PCNX2: variants seen among roughly 807,000 people sequenced by gnomAD.
PCNX2 encodes the protein pecanex 2, also known as pecanex-like protein 2.
In PCNX2, 168 loss-of-function variants were observed where a neutral mutation model predicts 223.8. The observed-to-expected ratio is 0.75, with a 90% CI of 0.66 to 0.85. The LOEUF (loss-of-function observed/expected upper bound fraction) is 0.85, where lower values mean the gene tolerates loss of function less well. Among genes scored for constraint, PCNX2 ranks in the 40% least tolerant of loss-of-function variants. The pLI is 0.00. For missense variants in PCNX2, 2,507 were observed against 2,675.5 expected (o/e 0.94, Z 1.39); for synonymous variants, 1,006 against 1,052.6 (o/e 0.96, Z 0.86).
intron 4 of PCNX2, among the ~76,000 whole-genome samples, chr1:233,260,105 A>G (rs2102997098): frequency 6.6e-6 from 1 of 152,276 alleles, no homozygotes; most frequent in South Asian, 2.1e-4. Context: ...AACACCACCA[A>G]CTAGGATGGT....
chr1:233,279,389 TTGTGTGTGTGTGTGTGTG>T (rs57288356), intron 1 of PCNX2, among the ~76,000 whole-genome samples: 3 of 142,592 alleles, frequency 2.1e-5, no homozygotes, highest in African/African-American at 7.7e-5. Flanking sequence ...TAATTTGTGT[TTGTGTGTGTGTGTGTGTG>T]TGTGTGTGTG....
At chr1:233,249,543 G>C (rs1659323994) in intron 8 of PCNX2, among the ~76,000 whole-genome samples, 1 of 152,208 alleles carries the variant, frequency 6.6e-6, no homozygotes, top group Non-Finnish European at 1.5e-5. Flanking sequence ...TGGGGACTTT[G>C]CATGCCTGTT....
At chr1:233,081,619 G>A (rs896810216) in intron 23 of PCNX2, among the ~76,000 whole-genome samples, 3 of 152,230 alleles carry the variant, frequency 2.0e-5, no homozygotes, top group Non-Finnish European at 4.4e-5. Flanking sequence ...CACTCACCAC[G>A]CTTTCTTGCA....
Position 233,025,183 on chromosome 1 carries a change from A to G in PCNX2, c.4568T>C (p.Phe1523Ser), listed in dbSNP as rs770764026. Residue 1523 changes from phenylalanine to serine, a missense_variant, in exon 26 of 34, where the codon TTT (phenylalanine) becomes TCT (serine). Phe to Ser is a radical substitution (Grantham distance 155). This residue lies in a region of PCNX2 where 1,372 missense variants were observed against 1,509.4 expected (regional missense o/e 0.91). Coordinates refer to ENST00000258229, the MANE Select transcript of PCNX2 (RefSeq NM_014801.4). Reference sequence around the variant, plus strand: ...GCGGATGAGGATCCTTCGGAGGTCAAACACCTGCAGCATGGTGGCCGCGTT... The same window carrying G: ...GCGGATGAGGATCCTTCGGAGGTCAGACACCTGCAGCATGGTGGCCGCGTT... ...DNNAATMLQV[F>S]DLRRILIRYY... 5.6e-6 allele frequency: 9 copies of G among 1,614,032 alleles called. No homozygotes were observed. The Admixed American group carries it at 1.3e-4, about 24-fold the overall frequency.
chr1:232,985,998 AGAAG>A (rs1428435627), intron 33 of PCNX2, 90 bp downstream of exon 33: 1 of 1,358,344 alleles, frequency 7.4e-7, no homozygotes, highest in Admixed American at 2.0e-5. Context: ...TTCTGCAGGC[AGAAG>A]GGTGGGAACG....
In PCNX2 at chr1:233,295,492, CG is replaced by C; in HGVS notation, c.-15del. Reference sequence around the variant, plus strand: ...CTGGGACACCATGCCGGCTGCGCCCCGGGGCTGGTGAGCGCCCCGCTGCACC... The same window carrying C: ...CTGGGACACCATGCCGGCTGCGCCCCGGGCTGGTGAGCGCCCCGCTGCACC... On this transcript the variant is annotated 5_prime_UTR_variant, in exon 1 of 34. Coordinates refer to ENST00000258229, the MANE Select transcript of PCNX2 (RefSeq NM_014801.4). The surrounding 1 kb of genome is among the most constrained non-coding windows in gnomAD (Gnocchi z 4.1). 1 of 1,544,436 alleles carries C rather than the reference CG, an allele frequency of 6.5e-7. No homozygotes were observed.
intron 21 of PCNX2, among the ~76,000 whole-genome samples, chr1:233,120,040 G>A (rs1469350163): frequency 1.3e-5 from 2 of 151,058 alleles, no homozygotes; most frequent in African/African-American, 2.4e-5. Flanking sequence ...GGTTGCACGC[G>A]CCTGTAGTCC....
Position 233,291,416 on chromosome 1 carries a change from C to A in PCNX2, c.153+3910G>T, listed in dbSNP as rs1434416593. Among the ~76,000 whole-genome samples, 5 of 152,070 alleles carry A rather than the reference C, an allele frequency of 3.3e-5. No individual in the cohort carries two copies. In the East Asian group the frequency reaches 9.7e-4, roughly 29 times the overall value. On this transcript the variant is annotated intron_variant, in intron 1 of 33. Coordinates refer to ENST00000258229, the MANE Select transcript of PCNX2 (RefSeq NM_014801.4). ...CCTGATGTCGGGAGTTCAAGACCAG[C>A]TTGACCAACATGGAGAAACCCCACC...
chr1:233,252,847 G>A, intron 5 of PCNX2, 59 bp from the exon 6 acceptor site: 2 of 1,435,588 alleles, frequency 1.4e-6, no homozygotes, highest in Non-Finnish European at 1.8e-6. Flanking sequence ...TGAAAACTCT[G>A]GGAAATAAGT....
rs575806165 is a variant in PCNX2, at chr1:233,135,847, T to C, written c.3660-657A>G. ...TTGTTGTTTAAAATTATATCATCAA[T>C]GTGTTTTTCCCCCATAGAATGGGCC... On this transcript the variant is annotated intron_variant, in intron 20 of 33. Transcript: ENST00000258229. Among the ~76,000 whole-genome samples, 8 of 152,344 alleles carry C rather than the reference T, an allele frequency of 5.3e-5. No individual in the cohort carries two copies. In the East Asian group the frequency reaches 1.5e-3, roughly 29 times the overall value.
At chr1:233,211,796 A>G in intron 12 of PCNX2, 1 of 985,384 alleles carries the variant, frequency 1.0e-6, no homozygotes, top group Non-Finnish European at 1.2e-6. Context: ...CTCTTTAAAC[A>G]CAGAATGTGA....
intron 26 of PCNX2, among the ~76,000 whole-genome samples, chr1:233,022,217 T>C (rs1572020482): frequency 6.6e-6 from 1 of 152,332 alleles, no homozygotes; most frequent in Admixed American, 6.5e-5. Context: ...GGATCTCTTC[T>C]GTCCAGACTG....
chr1:233,125,263 C>T (rs1414625087), intron 21 of PCNX2, among the ~76,000 whole-genome samples: 1 of 152,184 alleles, frequency 6.6e-6, no homozygotes, highest in Non-Finnish European at 1.5e-5. Context: ...TTCTATTATA[C>T]CGTACTTAAT....
intron 8 of PCNX2, among the ~76,000 whole-genome samples, chr1:233,239,518 G>T (rs558347017): frequency 6.6e-6 from 1 of 151,894 alleles, no homozygotes; most frequent in Non-Finnish European, 1.5e-5. Context: ...GATCTTTTGG[G>T]TCAGTTCTAG....
chr1:232,994,960 T>A (rs1405950727), intron 32 of PCNX2, among the ~76,000 whole-genome samples: 1 of 152,216 alleles, frequency 6.6e-6, no homozygotes, highest in Non-Finnish European at 1.5e-5. Flanking sequence ...AGGTAGTACC[T>A]TTGTAGCAGT....
the PCNX2 span, among the ~76,000 whole-genome samples, chr1:233,326,178 C>T: frequency 1.3e-5 from 2 of 152,222 alleles, no homozygotes; most frequent in African/African-American, 4.8e-5. Flanking sequence ...CTACAGTATA[C>T]TGGAAACATA....
chr1:233,295,321 C>G lies in PCNX2; in HGVS notation c.153+5G>C, dbSNP rs1362310199. ...GCTCCCCGGGACCGGACCCTCCCCACTCACCAGGTGCAGGGCCAGGGGCAG... is the reference window on the plus strand; with the variant it reads ...GCTCCCCGGGACCGGACCCTCCCCAGTCACCAGGTGCAGGGCCAGGGGCAG... On this transcript the variant is annotated splice_donor_5th_base_variant and intron_variant, in intron 1 of 33. Coordinates refer to ENST00000258229, the MANE Select transcript of PCNX2 (RefSeq NM_014801.4). This position sits in a 1 kb window ranked among gnomAD's most constrained non-coding sequence, Gnocchi z 4.1. 1.3e-6 allele frequency: 2 copies of G among 1,575,574 alleles called. No individual in the cohort carries two copies. The highest frequency in any genetic ancestry group is 1.7e-6 in the Non-Finnish European group (2 of 1,160,438).
chr1:233,157,705 A>G (rs997811068), intron 19 of PCNX2, among the ~76,000 whole-genome samples: 16 of 152,248 alleles, frequency 1.1e-4, no homozygotes, highest in African/African-American at 3.9e-4. Flanking sequence ...GCAGAAGTCC[A>G]GGAAGAAGAG....
intron 15 of PCNX2, among the ~76,000 whole-genome samples, chr1:233,198,405 G>C (rs766417265): frequency 9.9e-5 from 15 of 152,092 alleles, no homozygotes; most frequent in Non-Finnish European, 2.1e-4. Context: ...ACACAACTTT[G>C]TGTTTTCTGA....
Sources: gnomAD v4.1 joint callset for allele counts (sites outside exome capture counted in the v4.1 genomes callset) on GRCh38, gnomAD v4.1.1 for gene constraint, gnomAD v4.1.1 regional missense constraint, Gnocchi (gnomAD v3.1) non-coding constraint, MANE v1.5 for transcripts, NCBI Gene and HGNC (gene_info 2026-07-23, HGNC 2026-07-21) for gene names.